UGGT2: variants seen among roughly 807,000 people sequenced by gnomAD.
UGGT2 encodes the protein UDP-glucose:glycoprotein glucosyltransferase 2.
A neutral mutation model predicts 192.1 loss-of-function variants in UGGT2; 180 were observed. That is an observed-to-expected ratio of 0.94 (90% CI 0.83 to 1.06). UGGT2 has a LOEUF of 1.06. UGGT2 is among the 50% of genes least tolerant of loss of function. The probability of loss-of-function intolerance (pLI) is 0.00; values close to 1 mark genes in which losing one functional copy is unlikely to be tolerated. For synonymous variants in UGGT2, 580 were observed against 591.0 expected, an observed-to-expected ratio of 0.98 and a Z score of 0.27; for missense variants, 1,849 against 1,795.7, an observed-to-expected ratio of 1.03 and a Z score of -0.54.
Position 95,867,329 on chromosome 13 carries a change from C to A in UGGT2, c.3558+10G>T. 1 of 1,593,250 alleles carries A rather than the reference C, an allele frequency of 6.3e-7. No homozygotes were observed. ...GAACAAAGCCTATAAAAAGTTCTGC[C>A]CCCACATACTTTTACTTTGAGTATC... On this transcript the variant is annotated intron_variant, in intron 30 of 38. Transcript: ENST00000376747.
chr13:95,978,371 T>C (rs991432028), intron 10 of UGGT2, among the ~76,000 whole-genome samples: 13 of 152,310 alleles, frequency 8.5e-5, no homozygotes, highest in African/African-American at 3.1e-4. Flanking sequence ...TATTTTAAAA[T>C]TAGATTATTC....
chr13:95,897,938 C>G (rs1045684378), intron 22 of UGGT2, among the ~76,000 whole-genome samples: 2 of 152,176 alleles, frequency 1.3e-5, no homozygotes, highest in East Asian at 1.9e-4. Flanking sequence ...TTTCCTTCTT[C>G]TTATACTGCT....
chr13:95,831,042 A>G lies in UGGT2; in HGVS notation c.4528+1885T>C, dbSNP rs1039363448. 4.2e-5 allele frequency among the ~76,000 whole-genome samples: 6 copies of G among 143,896 alleles called. No individual in the cohort carries two copies. In the Admixed American group the frequency reaches 4.2e-4, roughly 10 times the overall value. 94.4% of individuals were successfully genotyped at this position (143,896 alleles called of 152,430 possible). ...CTATCACAAGGACAGAAAACCAAAC[A>G]CCGCCTGTCCTCACTCATAGGTGGG... On this transcript the variant is annotated intron_variant, in intron 38 of 38. Coordinates refer to ENST00000376747, the MANE Select transcript of UGGT2 (RefSeq NM_020121.4).
intron 38 of UGGT2, among the ~76,000 whole-genome samples, chr13:95,811,871 T>C (rs772364506): frequency 5.3e-5 from 8 of 151,446 alleles, no homozygotes; most frequent in Admixed American, 2.0e-4. Flanking sequence ...AAAGGGAGTA[T>C]GGCTAATAAA....
chr13:95,870,867 G>C (rs545145995), intron 29 of UGGT2, among the ~76,000 whole-genome samples: 1 of 152,322 alleles, frequency 6.6e-6, no homozygotes, highest in East Asian at 1.9e-4. Context: ...CCCTCATTGA[G>C]TGGAAGTGGT....
chr13:95,884,637 T>C lies in UGGT2; in HGVS notation c.3082A>G (p.Asn1028Asp), dbSNP rs754233418. 1 of 1,613,846 alleles carries C rather than the reference T, an allele frequency of 6.2e-7. No individual in the cohort carries two copies. The highest frequency in any genetic ancestry group is 8.5e-7 in the Non-Finnish European group (1 of 1,179,828). The change falls in exon 27 of 39, where the codon AAT (asparagine) becomes GAT (aspartate). Residue 1028 changes from asparagine (N) to aspartate (D), a missense_variant. Transcript: ENST00000376747. ...ACTGGTCCAAGAGAAGAAACGTCAT[T>C]AGCCCCTGACATCAGTTCTGGTTCC... Reference protein sequence around the residue: ...VLEPELMSGANDVSSLGPVAK... With the variant: ...VLEPELMSGADDVSSLGPVAK...
rs1459074845 is a variant in UGGT2 at position 95,900,858 on chromosome 13, T to A, written c.2583A>T (p.Gln861His). ...CTCCAGGACGTAATTTAAGTACATC[T>A]TGACAGAACAACTGGTGAGTTCGAA... is the stretch of plus-strand genomic sequence containing the variant. ...NIFRTHQLFC[Q>H]DVLKLRPGEM... Residue 861 changes from glutamine to histidine, a missense_variant, in exon 22 of 39, where the codon CAA (glutamine) becomes CAT (histidine). Coordinates refer to ENST00000376747, the MANE Select transcript of UGGT2 (RefSeq NM_020121.4). The A allele has an allele frequency of 3.7e-6, 6 of 1,611,898 alleles. No individual in the cohort carries two copies. The highest frequency in any genetic ancestry group is 5.1e-6 in the Non-Finnish European group (6 of 1,179,198).
rs144298086 is a variant in UGGT2 at position 95,985,702 on chromosome 13, C to T, written c.1031+631G>A. On this transcript the variant is annotated intron_variant, in intron 9 of 38. Transcript: ENST00000376747. ...GTCATCCCTAACCAGAATACAATTG[C>T]ATCAAAGTTGTGTTATATAGCAAAT... Among the ~76,000 whole-genome samples, 179 of 152,264 alleles carry T rather than the reference C, an allele frequency of 1.2e-3. 1 individual carries two copies. Among genetic ancestry groups the T allele is most frequent in the African/African-American group, 4.1e-3 (169 of 41,568 alleles).
chr13:96,000,946 A>C (rs1023209189), intron 5 of UGGT2, among the ~76,000 whole-genome samples: 1 of 152,226 alleles, frequency 6.6e-6, no homozygotes, highest in African/African-American at 2.4e-5. Context: ...TATTTTTATT[A>C]GAATTACATG....
chr13:96,040,655 A>G (rs961677475), intron 1 of UGGT2, among the ~76,000 whole-genome samples: 3 of 152,202 alleles, frequency 2.0e-5, no homozygotes, highest in Non-Finnish European at 2.9e-5. Flanking sequence ...TGCAAATACT[A>G]TAAGTAAAAA....
Position 95,981,184 on chromosome 13 carries a change from G to GTC in UGGT2, c.1092+2619_1092+2620insGA, listed in dbSNP as rs2051113334. Among the ~76,000 whole-genome samples, 2 of 4,390 alleles carry GTC rather than the reference G, an allele frequency of 4.6e-4. 1 individual carries two copies. Among genetic ancestry groups the GTC allele is most frequent in the African/African-American group, 1.0e-3 (2 of 1,934 alleles). 2.9% of individuals were successfully genotyped at this position (4,390 alleles called of 152,430 possible). Reference sequence around the variant, plus strand: ...AATTATGCTTAAGACACTTTTGTTGGCCGGGCGCGGTGGCTCACGCCTGTA... The same window carrying GTC: ...AATTATGCTTAAGACACTTTTGTTGGTCCCGGGCGCGGTGGCTCACGCCTGTA... On this transcript the variant is annotated intron_variant, in intron 10 of 38. Transcript: ENST00000376747.
chr13:95,991,766 A>C (rs2051465510), intron 7 of UGGT2, among the ~76,000 whole-genome samples: 1 of 152,166 alleles, frequency 6.6e-6, no homozygotes, highest in South Asian at 2.1e-4. Context: ...CATCTTAATA[A>C]CTTTCACTGC....
intron 1 of UGGT2, among the ~76,000 whole-genome samples, chr13:96,035,212 C>T (rs1188754895): frequency 1.3e-5 from 2 of 152,166 alleles, no homozygotes; most frequent in Admixed American, 6.5e-5. Flanking sequence ...GGTACAAGGA[C>T]ATACACATAG....
chr13:95,969,442 T>A (rs1015699707), intron 12 of UGGT2, among the ~76,000 whole-genome samples: 1 of 152,104 alleles, frequency 6.6e-6, no homozygotes, highest in Non-Finnish European at 1.5e-5. Flanking sequence ...CATGTAGATT[T>A]AAAAAACCAT....
At chr13:95,838,131 C>T (rs1039587087) in intron 36 of UGGT2, among the ~76,000 whole-genome samples, 8 of 152,142 alleles carry the variant, frequency 5.3e-5, no homozygotes, top group Non-Finnish European at 1.2e-4. Flanking sequence ...AGTTAATATA[C>T]AAAAGTCAAC....
chr13:95,925,702 A>G lies in UGGT2; in HGVS notation c.2273T>C (p.Leu758Pro). The G allele has an allele frequency of 6.4e-7, 1 of 1,571,482 alleles. No individual in the cohort carries two copies. The highest frequency in any genetic ancestry group is 8.7e-7 in the Non-Finnish European group (1 of 1,155,692). The stretch of plus-strand genomic sequence containing the variant: ...CACCATGTGCTTTAATGCATTAAAA[A>G]GAAGTTTTCTCCCAGAAGGCTTATC... Reference protein sequence around the residue: ...DFDKPSGRKLLFNALKHMKTS... With the variant: ...DFDKPSGRKLPFNALKHMKTS... Residue 758 changes from leucine (L) to proline (P), a missense_variant, in exon 20 of 39, where the codon CTT becomes CCT. Transcript: ENST00000376747.
intron 2 of UGGT2, among the ~76,000 whole-genome samples, chr13:96,030,465 T>C (rs1420781781): frequency 2.0e-5 from 3 of 152,240 alleles, no homozygotes; most frequent in Non-Finnish European, 2.9e-5. Context: ...TATTTGCTTT[T>C]GGAAATATTT....
chr13:96,003,325 T>C (rs2051867684), intron 5 of UGGT2, among the ~76,000 whole-genome samples: 1 of 152,116 alleles, frequency 6.6e-6, no homozygotes, highest in Non-Finnish European at 1.5e-5. Flanking sequence ...GATACTGAAA[T>C]AAGCTACTTA....
chr13:95,878,614 C>G (rs911917874), intron 27 of UGGT2, among the ~76,000 whole-genome samples: 9 of 152,108 alleles, frequency 5.9e-5, no homozygotes, highest in Non-Finnish European at 1.2e-4. Context: ...AACAGCATAA[C>G]TAAACATGAA....
Sources: allele counts gnomAD v4.1 joint callset (sites outside exome capture counted in the v4.1 genomes callset), GRCh38; gene constraint gnomAD v4.1.1; transcripts MANE v1.5; gene names NCBI Gene and HGNC (gene_info 2026-07-23, HGNC 2026-07-21).